TSGA10: variants seen among roughly 807,000 people sequenced by gnomAD.
TSGA10 encodes testis-specific gene 10 protein.
A neutral mutation model predicts 96.6 loss-of-function variants in TSGA10; 43 were observed. The observed-to-expected ratio is 0.44, with a 90% CI of 0.35 to 0.57. TSGA10 has a LOEUF of 0.57. TSGA10 is among the 20% of genes least tolerant of loss of function. The pLI is 0.01. For missense variants in TSGA10, 703 were observed against 834.4 expected, an observed-to-expected ratio of 0.84 and a Z score of 1.94; for synonymous variants, 229 against 269.9, an observed-to-expected ratio of 0.85 and a Z score of 1.48.
intron 20 of TSGA10, 91 bp downstream of exon 20, chr2:99,018,109 T>G (rs962181869): frequency 1.5e-6 from 2 of 1,300,936 alleles, no homozygotes; most frequent in Non-Finnish European, 2.1e-6. Flanking sequence ...CTATTAAAGA[T>G]AGACTATTGA....
chr2:99,007,310 G>A (rs1172450460), intron 20 of TSGA10, among the ~76,000 whole-genome samples: 2 of 151,832 alleles, frequency 1.3e-5, no homozygotes, highest in African/African-American at 4.8e-5. Context: ...ATAAAAAAGA[G>A]TGTAAATTTC....
intron 10 of TSGA10, chr2:99,102,607 T>G: frequency 6.2e-7 from 1 of 1,614,178 alleles, no homozygotes; most frequent in Non-Finnish European, 8.5e-7. Context: ...CATGCTCAGT[T>G]TATTACAACT....
At chr2:99,072,249 A>C (rs539253317) in intron 13 of TSGA10, among the ~76,000 whole-genome samples, 10 of 152,194 alleles carry the variant, frequency 6.6e-5, no homozygotes, top group African/African-American at 2.4e-4. Context: ...CCTCCCAATT[A>C]TTCTCACTCT....
chr2:99,115,308 A>G (rs966543955), intron 4 of TSGA10, among the ~76,000 whole-genome samples: 21 of 152,338 alleles, frequency 1.4e-4, no homozygotes, highest in Admixed American at 6.5e-4. Flanking sequence ...CTTTAAAAAA[A>G]GTAACAATAC....
chr2:99,014,104 G>A (rs542597185), intron 20 of TSGA10, among the ~76,000 whole-genome samples: 10 of 152,248 alleles, frequency 6.6e-5, no homozygotes, highest in South Asian at 2.1e-4. Flanking sequence ...GCAGTGAACC[G>A]AGATTGTGCC....
intron 20 of TSGA10, among the ~76,000 whole-genome samples, chr2:99,005,590 A>G (rs367842961): frequency 1.8e-4 from 27 of 152,112 alleles, no homozygotes; most frequent in East Asian, 1.2e-3. Context: ...TACAAGGGAT[A>G]TGAAGGACCT....
rs1199897002 is a variant in TSGA10 at position 99,108,982 on chromosome 2, A to G, written c.61T>C (p.Cys21Arg). ...RPSPTARGAN[C>R]DVELLKTTTR... is the part of the protein sequence containing the mutation. ...GTTGTCTTCAAAAGTTCTACATCAC[A>G]GTTTGCACCCTATAATTATATAAGG... The change falls in exon 7 of 21, where the codon TGT (cysteine) becomes CGT (arginine). Residue 21 changes from cysteine to arginine, a missense_variant. Transcript: ENST00000393483. The G allele has an allele frequency of 6.4e-7, 1 of 1,571,088 alleles. No homozygotes were observed. Among genetic ancestry groups the G allele is most frequent in the Non-Finnish European group, 8.6e-7 (1 of 1,166,048 alleles).
chr2:99,098,820 G>A (rs1283296139), intron 10 of TSGA10, among the ~76,000 whole-genome samples: 1 of 152,000 alleles, frequency 6.6e-6, no homozygotes, highest in Non-Finnish European at 1.5e-5. Flanking sequence ...GCGTAAGAAG[G>A]AAATTCTAAT....
intron 1 of TSGA10, among the ~76,000 whole-genome samples, chr2:99,144,475 T>A (rs1010535348): frequency 6.6e-6 from 1 of 151,612 alleles, no homozygotes; most frequent in African/African-American, 2.4e-5. Context: ...CATTGCTTCA[T>A]GTGTTTTGTG....
chr2:99,099,340 A>G (rs1360972238), intron 10 of TSGA10, among the ~76,000 whole-genome samples: 1 of 152,196 alleles, frequency 6.6e-6, no homozygotes, highest in African/African-American at 2.4e-5. Flanking sequence ...AAATAAAGCC[A>G]TAAGAAAGGT....
chr2:99,130,944 G>A (rs1017828117), intron 1 of TSGA10, among the ~76,000 whole-genome samples: 14 of 152,102 alleles, frequency 9.2e-5, no homozygotes, highest in South Asian at 6.2e-4. Context: ...GATGTGTGGC[G>A]TTGTTTCTGA....
At chr2:99,000,536 G>T (rs537215507) in intron 20 of TSGA10, among the ~76,000 whole-genome samples, 47 of 151,010 alleles carry the variant, frequency 3.1e-4, no homozygotes, top group African/African-American at 1.1e-3. Flanking sequence ...AAAGGGGATC[G>T]TTCCAAGATG....
chr2:99,082,263 C>G (rs143657209), intron 10 of TSGA10, among the ~76,000 whole-genome samples: 1 of 152,026 alleles, frequency 6.6e-6, no homozygotes, highest in Non-Finnish European at 1.5e-5. Context: ...CACCTGGTTC[C>G]GTTGCTTTTT....
At chr2:99,060,978 G>C (rs950008637) in intron 16 of TSGA10, among the ~76,000 whole-genome samples, 2 of 152,070 alleles carry the variant, frequency 1.3e-5, no homozygotes, top group African/African-American at 4.8e-5. Context: ...ATTCCTAAAA[G>C]AAAGTCTATG....
At chr2:99,050,863 G>A (rs577910557) in intron 16 of TSGA10, among the ~76,000 whole-genome samples, 149 of 152,192 alleles carry the variant, frequency 9.8e-4, no homozygotes, top group African/African-American at 3.4e-3. Context: ...ACACATGATG[G>A]TGGGCCCATA....
chr2:99,103,784 A>C lies in TSGA10; in HGVS notation c.611+183T>G, dbSNP rs527611963. Among the ~76,000 whole-genome samples, 38 of 152,348 alleles carry C rather than the reference A, an allele frequency of 2.5e-4. No homozygotes were observed. The highest frequency in any genetic ancestry group is 8.9e-4 in the African/African-American group (37 of 41,576). On this transcript the variant is annotated intron_variant, in intron 10 of 20. Transcript: ENST00000393483. ...AGTGTGATTCCTAGTTAAGTGTGGCATTACCAGCCTGTGATTGAGCTCAGG... is the reference window on the plus strand; with the variant it reads ...AGTGTGATTCCTAGTTAAGTGTGGCCTTACCAGCCTGTGATTGAGCTCAGG...
intron 15 of TSGA10, among the ~76,000 whole-genome samples, chr2:99,066,024 T>A (rs544075598): frequency 3.3e-5 from 5 of 152,216 alleles, no homozygotes; most frequent in African/African-American, 1.2e-4. Flanking sequence ...GGTAATTTTT[T>A]AAAAGGCACT....
chr2:99,024,004 C>A (rs1186674344), intron 17 of TSGA10, among the ~76,000 whole-genome samples: 1 of 152,154 alleles, frequency 6.6e-6, no homozygotes, highest in African/African-American at 2.4e-5. Context: ...GATAAGTGTT[C>A]TGGCCCATGA....
intron 14 of TSGA10, among the ~76,000 whole-genome samples, chr2:99,071,463 T>G (rs969132452): frequency 2.0e-5 from 3 of 152,152 alleles, no homozygotes; most frequent in South Asian, 2.1e-4. Context: ...ATATTTATCC[T>G]TCAGCAAGGA....
Sources: allele counts gnomAD v4.1 joint callset (sites outside exome capture counted in the v4.1 genomes callset), GRCh38; gene constraint gnomAD v4.1.1; transcripts MANE v1.5; gene names NCBI Gene and HGNC (gene_info 2026-07-23, HGNC 2026-07-21).